Variants in SLC23A2 observed in about 807,000 individuals in gnomAD.
The protein encoded by SLC23A2 is solute carrier family 23 member 2.
A neutral mutation model predicts 73.3 loss-of-function variants in SLC23A2; 36 were observed. The observed-to-expected ratio is 0.49, with a 90% confidence interval of 0.38 to 0.65. The LOEUF is 0.65. Among genes scored for constraint, SLC23A2 ranks in the 30% least tolerant of loss-of-function variants. SLC23A2 has a pLI of 0.00. For missense variants in SLC23A2, 507 were observed against 841.6 expected, an observed-to-expected ratio of 0.60 and a Z score of 4.92; for synonymous variants, 343 against 327.3, an observed-to-expected ratio of 1.05 and a Z score of -0.52.
At chr20:4,878,547 T>C (rs1270646333) in intron 9 of SLC23A2, among the ~76,000 whole-genome samples, 5 of 152,204 alleles carry the variant, frequency 3.3e-5, no homozygotes, top group African/African-American at 1.2e-4. Flanking sequence ...TATCTTTCTC[T>C]TTCTCTTTTC....
chr20:4,893,666 G>GTTAGAGGC (rs1307528706), intron 6 of SLC23A2, among the ~76,000 whole-genome samples: 2 of 152,190 alleles, frequency 1.3e-5, no homozygotes, highest in Admixed American at 1.3e-4. Context: ...AGACAATCTG[G>GTTAGAGGC]TTAGAGGCCA....
intron 2 of SLC23A2, among the ~76,000 whole-genome samples, chr20:4,954,562 G>A (rs1188957951): frequency 6.6e-6 from 1 of 151,938 alleles, no homozygotes; most frequent in Non-Finnish European, 1.5e-5. Flanking sequence ...GCCACGCGTG[G>A]TGGCGGGCGC....
At chr20:5,009,031 T>C (rs2088221092) in intron 1 of SLC23A2, among the ~76,000 whole-genome samples, 2 of 152,146 alleles carry the variant, frequency 1.3e-5, no homozygotes, top group African/African-American at 4.8e-5. Context: ...TGTATTCCTC[T>C]GAAACTGCCC....
chr20:4,902,354 A>G lies in SLC23A2; in HGVS notation c.324+88T>C. On this transcript the variant is annotated intron_variant, in intron 5 of 16. Transcript: ENST00000338244. This position sits in a 1 kb window ranked among gnomAD's most constrained non-coding sequence, Gnocchi z 4.0. ...ATTTATAAAAGTCTTCAATAAACAA[A>G]AACCAAAGTGGAATTTTTAAACAAT... The G allele has an allele frequency of 1.3e-6, 1 of 779,342 alleles. No individual in the cohort carries two copies. The highest frequency in any genetic ancestry group is 2.1e-6 in the Non-Finnish European group (1 of 469,638). The allele number at this position is 779,342 out of a possible 1,614,324, so 48.3% of individuals were successfully genotyped here.
chr20:4,968,623 A>C (rs1276787539), intron 2 of SLC23A2, among the ~76,000 whole-genome samples: 1 of 152,192 alleles, frequency 6.6e-6, no homozygotes, highest in Non-Finnish European at 1.5e-5. Context: ...CCTGGTATTA[A>C]AGGTGACCTC....
upstream of SLC23A2, among the ~76,000 whole-genome samples, chr20:5,004,900 G>A (rs1017691659): frequency 6.6e-5 from 10 of 152,106 alleles, no homozygotes; most frequent in African/African-American, 2.2e-4. Flanking sequence ...TCAGGAGGCT[G>A]AGGCAGGAGA....
intron 1 of SLC23A2, among the ~76,000 whole-genome samples, chr20:4,985,318 T>C (rs2087806907): frequency 6.6e-6 from 1 of 152,070 alleles, no homozygotes; most frequent in African/African-American, 2.4e-5. Context: ...AACTAATTAA[T>C]GGATAAACAA....
At chr20:4,986,099 C>G (rs2087821439) in intron 1 of SLC23A2, among the ~76,000 whole-genome samples, 1 of 152,098 alleles carries the variant, frequency 6.6e-6, no homozygotes, top group African/African-American at 2.4e-5. Context: ...ACTTAAAGGT[C>G]TATATCAATT....
chr20:4,992,505 T>G (rs1302148041), intron 1 of SLC23A2, among the ~76,000 whole-genome samples: 31 of 656 alleles, frequency 0.047, no homozygotes, highest in East Asian at 0.43. Flanking sequence ...GATTGACAGT[T>G]TTTTTTTTTT....
intron 2 of SLC23A2, among the ~76,000 whole-genome samples, chr20:4,935,078 T>G (rs1196652576): frequency 1.3e-5 from 2 of 150,302 alleles, no homozygotes; most frequent in Non-Finnish European, 3.0e-5. Flanking sequence ...TCCCAGCTAT[T>G]TGGGAGGCTG....
rs1403642325 is a variant in SLC23A2 at position 4,883,817 on chromosome 20, C to A, written c.649G>T (p.Gly217Trp). The A allele has an allele frequency of 2.5e-6, 4 of 1,605,700 alleles. No individual in the cohort carries two copies. Among genetic ancestry groups the A allele is most frequent in the Non-Finnish European group, 3.4e-6 (4 of 1,175,938 alleles). ...IWYPRIREIQ[G>W]AIIMSSLIEV... ...ATCAGTGAGGACATGATGATGGCCCCCTGGATCTGCAACAAGAGATGGCAC... is the reference window on the plus strand; with the variant it reads ...ATCAGTGAGGACATGATGATGGCCCACTGGATCTGCAACAAGAGATGGCAC... Residue 217 changes from glycine to tryptophan, a missense_variant, in exon 9 of 17, where the codon GGG (glycine) becomes TGG (tryptophan). Around this residue, in one of 5 missense-constraint regions of SLC23A2, gnomAD observed 217 missense variants for 398.0 expected, o/e 0.55. Transcript: ENST00000338244. The surrounding 1 kb of genome is among the most constrained non-coding windows in gnomAD (Gnocchi z 4.5).
chr20:4,882,621 C>T (rs1930935097), intron 9 of SLC23A2, among the ~76,000 whole-genome samples: 1 of 152,090 alleles, frequency 6.6e-6, no homozygotes, highest in African/African-American at 2.4e-5. Flanking sequence ...GTTTTGAAAC[C>T]CACGGTGGCC....
intron 3 of SLC23A2, among the ~76,000 whole-genome samples, chr20:4,921,869 T>G (rs972559883): frequency 6.6e-6 from 1 of 152,118 alleles, no homozygotes; most frequent in African/African-American, 2.4e-5. Flanking sequence ...CTTCTTCCAT[T>G]TCACCCCAAC....
In SLC23A2 at chr20:4,966,240, T is replaced by A. The variant is rs190618648; in HGVS notation, c.-155+4553A>T. On this transcript the variant is annotated intron_variant, in intron 2 of 16. Transcript: ENST00000338244. ...AAATCTAAATTTGAAAGGAAAAAGG[T>A]GAGGAAGGGGAAGCTTTAGTAGCAT... Among the ~76,000 whole-genome samples the A allele has an allele frequency of 6.8e-4, 103 of 152,008 alleles. 1 individual carries two copies. The highest frequency in any genetic ancestry group is 1.1e-3 in the Non-Finnish European group (78 of 67,974).
chr20:4,967,724 TTC>T (rs1730968872), intron 2 of SLC23A2, among the ~76,000 whole-genome samples: 1 of 152,106 alleles, frequency 6.6e-6, no homozygotes, highest in Non-Finnish European at 1.5e-5. Flanking sequence ...AAATAGAAAA[TTC>T]TCTTCACTGC....
chr20:4,993,249 A>T (rs1337937350), intron 1 of SLC23A2, among the ~76,000 whole-genome samples: 1 of 146,386 alleles, frequency 6.8e-6, no homozygotes, highest in Non-Finnish European at 1.5e-5. Flanking sequence ...GTGCCACTGC[A>T]CTCCAGCCTG....
At chr20:4,882,476 AT>A (rs1930928506) in intron 9 of SLC23A2, among the ~76,000 whole-genome samples, 1 of 152,050 alleles carries the variant, frequency 6.6e-6, no homozygotes, top group Non-Finnish European at 1.5e-5. Context: ...AAAACTTGAT[AT>A]TTTCACACAC....
At chr20:4,983,859 G>A (rs1013883124) in intron 1 of SLC23A2, among the ~76,000 whole-genome samples, 4 of 151,590 alleles carry the variant, frequency 2.6e-5, no homozygotes, top group Non-Finnish European at 4.4e-5. Flanking sequence ...GGGAGGCTGA[G>A]GCAGGAGAAT....
intron 3 of SLC23A2, among the ~76,000 whole-genome samples, chr20:4,923,276 G>T (rs1167832358): frequency 6.6e-6 from 1 of 151,294 alleles, no homozygotes; most frequent in Non-Finnish European, 1.5e-5. Context: ...GAGGGAGGGA[G>T]GGAGGATGGA....
Sources: gnomAD v4.1 joint callset for allele counts (sites outside exome capture counted in the v4.1 genomes callset) on GRCh38, gnomAD v4.1.1 for gene constraint, gnomAD v4.1.1 regional missense constraint, Gnocchi (gnomAD v3.1) non-coding constraint, MANE v1.5 for transcripts, NCBI Gene and HGNC (gene_info 2026-07-23, HGNC 2026-07-21) for gene names.